Variants in XPO5 observed in about 807,000 individuals in gnomAD.
XPO5 encodes exportin 5, also known as exportin-5.
In XPO5, 46 loss-of-function variants were observed where a neutral mutation model predicts 160.6. That is an observed-to-expected ratio of 0.29 (90% CI 0.23 to 0.37). The LOEUF is 0.37. Ranked by LOEUF, XPO5 falls within the 10% of genes least tolerant of loss-of-function variation. XPO5 has a pLI of 1.00. For synonymous variants in XPO5, 537 were observed against 519.3 expected (o/e 1.03, Z -0.46); for missense variants, 1,090 against 1,463.9 (o/e 0.74, Z 4.17).
chr6:43,555,661 A>G (rs1582231799), intron 13 of XPO5, 175 bp downstream of exon 13: 2 of 639,734 alleles, frequency 3.1e-6, no homozygotes, highest in Admixed American at 3.5e-5. Flanking sequence ...AAAATGTGTC[A>G]TCTGCTTTCT....
intron 21 of XPO5, 34 bp downstream of exon 21, chr6:43,533,873 T>C: frequency 1.3e-6 from 2 of 1,510,038 alleles, no homozygotes; most frequent in Non-Finnish European, 1.8e-6. Context: ...AGGGATAAGA[T>C]AAACCTTAGG....
Position 43,562,486 on chromosome 6 carries a change from T to A in XPO5, c.912-140A>T, listed in dbSNP as rs538160066. ...TCCAATAGCTTTGCTAAATTAAAAATTTTTTAAAATCTTTTTAACTTATTT... is the reference window on the plus strand; with the variant it reads ...TCCAATAGCTTTGCTAAATTAAAAAATTTTTAAAATCTTTTTAACTTATTT... On this transcript the variant is annotated intron_variant, in intron 8 of 31. Coordinates refer to ENST00000265351, the MANE Select transcript of XPO5 (RefSeq NM_020750.3). The A allele has an allele frequency of 2.0e-4, 138 of 678,238 alleles. 1 individual carries two copies. Among genetic ancestry groups the A allele is most frequent in the Admixed American group, 1.6e-3 (53 of 33,316 alleles). The allele number at this position is 678,238 out of a possible 1,614,324, so 42.0% of individuals were successfully genotyped here.
intron 5 of XPO5, among the ~76,000 whole-genome samples, chr6:43,569,421 CATA>C (rs892016814): frequency 2.0e-5 from 3 of 150,694 alleles, no homozygotes; most frequent in Non-Finnish European, 3.0e-5. Context: ...TACAAAGGCA[CATA>C]ATGTTAACTT....
intron 15 of XPO5, 100 bp downstream of exon 15, chr6:43,551,198 C>G: frequency 7.8e-7 from 1 of 1,283,704 alleles, no homozygotes; most frequent in Non-Finnish European, 1.0e-6. Flanking sequence ...TGAGTCCAGC[C>G]TGGGCAATGT....
In XPO5 at chr6:43,531,571, T is replaced by C; in HGVS notation, c.2448A>G (p.Leu816=). The change falls in exon 22 of 32, where the codon TTA becomes TTG. Residue 816 remains leucine, a synonymous_variant. Coordinates refer to ENST00000265351, the MANE Select transcript of XPO5 (RefSeq NM_020750.3). ...LDAEKSAILG[L]PQPLLELNDS... Reference sequence around the variant, plus strand: ...CATTGAGTTCCAAGAGAGGTTGAGGTAATCCTACAGGGAAATACGGGTCAA... The same window carrying C: ...CATTGAGTTCCAAGAGAGGTTGAGGCAATCCTACAGGGAAATACGGGTCAA... 1 of 1,613,418 alleles carries C rather than the reference T, an allele frequency of 6.2e-7. No homozygotes were observed. The highest frequency in any genetic ancestry group is 8.5e-7 in the Non-Finnish European group (1 of 1,179,428).
intron 7 of XPO5, chr6:43,566,678 C>T (rs191917490): frequency 8.5e-5 from 35 of 414,044 alleles, no homozygotes; most frequent in Admixed American, 4.9e-4. Flanking sequence ...GGCATGGTGG[C>T]GTGTGCCTAT....
At chr6:43,575,462 T>C (rs947042383) in intron 1 of XPO5, among the ~76,000 whole-genome samples, 1 of 152,142 alleles carries the variant, frequency 6.6e-6, no homozygotes, top group Non-Finnish European at 1.5e-5. Flanking sequence ...AGGGTCATGT[T>C]GCGGACAAGA....
chr6:43,547,726 A>C lies in XPO5; in HGVS notation c.2061-19T>G, dbSNP rs752143537. 3 of 1,606,996 alleles carry C rather than the reference A, an allele frequency of 1.9e-6. No individual in the cohort carries two copies. In the East Asian group the frequency reaches 6.7e-5, roughly 36 times the overall value. On this transcript the variant is annotated intron_variant, in intron 18 of 31. Transcript: ENST00000265351. ...CAGCACTCTGAAGGTTGGAGGGGGA[A>C]AAACAAGTTACATCATGACTTTAAA...
intron 20 of XPO5, among the ~76,000 whole-genome samples, chr6:43,536,685 G>A (rs374223202): frequency 4.9e-5 from 7 of 141,498 alleles, no homozygotes; most frequent in Admixed American, 2.9e-4. Flanking sequence ...GCTTGAACCC[G>A]GGAGGCAGAG....
At chr6:43,569,292 C>CAA (rs1312409551) in intron 5 of XPO5, among the ~76,000 whole-genome samples, 3 of 58,428 alleles carry the variant, frequency 5.1e-5, no homozygotes, top group Non-Finnish European at 1.1e-4. Flanking sequence ...AACTCCGTCT[C>CAA]AAAAAAAAAA....
At chr6:43,549,082 T>C (rs1038599576) in intron 17 of XPO5, among the ~76,000 whole-genome samples, 1 of 152,192 alleles carries the variant, frequency 6.6e-6, no homozygotes, top group Admixed American at 6.5e-5. Flanking sequence ...TATTTATTTT[T>C]GAGATGGAGT....
chr6:43,525,343 G>C, intron 28 of XPO5, 129 bp from the exon 29 acceptor site: 1 of 863,556 alleles, frequency 1.2e-6, no homozygotes, highest in Admixed American at 2.6e-5. Flanking sequence ...TTGTTTTGTT[G>C]CCCAGGCTGG....
chr6:43,551,164 G>A (rs1489946311), intron 15 of XPO5, 134 bp downstream of exon 15: 1 of 889,464 alleles, frequency 1.1e-6, no homozygotes, highest in Non-Finnish European at 1.6e-6. Flanking sequence ...GGTGAGGTGT[G>A]AGGATCCCTT....
intron 2 of XPO5, among the ~76,000 whole-genome samples, chr6:43,572,847 G>T (rs1048456509): frequency 2.6e-5 from 4 of 152,212 alleles, no homozygotes; most frequent in Non-Finnish European, 5.9e-5. Flanking sequence ...TTTGCCTCAT[G>T]ATTTTATTGA....
intron 20 of XPO5, among the ~76,000 whole-genome samples, chr6:43,538,139 CTTTTTTTTTTTTTTT>C (rs1160662301): frequency 5.3e-4 from 26 of 48,942 alleles, no homozygotes; most frequent in South Asian, 2.6e-3. Context: ...TAAGAGACAT[CTTTTTTTTTTTTTTT>C]TTTTTTTTTT....
At chr6:43,524,216 G>C (rs1793386584) in intron 31 of XPO5, among the ~76,000 whole-genome samples, 1 of 152,146 alleles carries the variant, frequency 6.6e-6, no homozygotes, top group Admixed American at 6.5e-5. Flanking sequence ...GCCAGACGTG[G>C]TGGTGCATGC....
chr6:43,561,006 C>T lies in XPO5; in HGVS notation c.1013G>A (p.Gly338Asp). ...TGGTGTTTCTACATCAGAATCTGCA[C>T]CCTGTAGGAGAAGACCACTATATTA... ...ALGNQLCALL[G>D]ADSDVETPSN... The change falls in exon 10 of 32, where the codon GGT becomes GAT. Residue 338 changes from glycine to aspartate, a missense_variant and splice_region_variant. Gly to Asp is a moderately conservative substitution (Grantham distance 94). Transcript: ENST00000265351. The T allele has an allele frequency of 2.5e-6, 4 of 1,613,152 alleles. No individual in the cohort carries two copies. The highest frequency in any genetic ancestry group is 3.4e-6 in the Non-Finnish European group (4 of 1,179,258).
intron 15 of XPO5, among the ~76,000 whole-genome samples, chr6:43,550,213 G>A (rs1045686088): frequency 2.5e-4 from 38 of 152,102 alleles, no homozygotes; most frequent in African/African-American, 6.8e-4. Flanking sequence ...CTATGGAAAC[G>A]CCTCTCTCTT....
chr6:43,538,766 T>C lies in XPO5; in HGVS notation c.2343-4759A>G, dbSNP rs75273893. 1.2e-3 allele frequency: 771 copies of C among 643,924 alleles called. 4 individuals carry two copies. Among genetic ancestry groups the C allele is most frequent in the African/African-American group, 0.012 (631 of 54,318 alleles). The allele number at this position is 643,924 out of a possible 1,614,324, so 39.9% of individuals were successfully genotyped here. On this transcript the variant is annotated intron_variant, in intron 20 of 31. Coordinates refer to ENST00000265351, the MANE Select transcript of XPO5 (RefSeq NM_020750.3). ...ATAAAATGAGTTATGGAGCACTACA[T>C]TTTTCTTTTTTTTTTTCCCACGCTT...
Sources: allele counts gnomAD v4.1 joint callset (sites outside exome capture counted in the v4.1 genomes callset), GRCh38; gene constraint gnomAD v4.1.1; transcripts MANE v1.5; gene names NCBI Gene and HGNC (gene_info 2026-07-23, HGNC 2026-07-21).